EDIL3: variants seen among roughly 807,000 people sequenced by gnomAD.
EDIL3 encodes the protein EGF-like repeat and discoidin I-like domain-containing protein 3.
EDIL3 carries 37 observed loss-of-function variants against 67.4 expected under a neutral mutation model. The ratio of observed to expected loss-of-function variants is 0.55; its 90% CI spans 0.42 to 0.72. The LOEUF (loss-of-function observed/expected upper bound fraction) is 0.72. Among genes scored for constraint, EDIL3 ranks in the 30% least tolerant of loss-of-function variants. The probability of loss-of-function intolerance (pLI) is 0.00; values close to 1 mark genes in which losing one functional copy is unlikely to be tolerated. For missense variants in EDIL3, 527 were observed against 586.3 expected (o/e 0.90, Z 1.04); for synonymous variants, 195 against 196.3 (o/e 0.99, Z 0.05).
intron 1 of EDIL3, among the ~76,000 whole-genome samples, chr5:84,382,418 G>C (rs995146582): frequency 1.3e-5 from 2 of 151,368 alleles, no homozygotes; most frequent in Admixed American, 6.6e-5. Flanking sequence ...AGGCAAGCGC[G>C]GCCACATAGG....
chr5:84,074,176 A>G (rs1490978096), intron 6 of EDIL3, among the ~76,000 whole-genome samples: 37 of 150,514 alleles, frequency 2.5e-4, no homozygotes, highest in East Asian at 7.9e-4. Flanking sequence ...TCCCTTCCTT[A>G]CACCTTATAC....
chr5:84,205,510 C>T (rs1054380899), intron 3 of EDIL3, among the ~76,000 whole-genome samples: 1 of 152,128 alleles, frequency 6.6e-6, no homozygotes, highest in African/African-American at 2.4e-5. Flanking sequence ...ACTTGAAAAA[C>T]TTGACTCTTT....
At chr5:84,161,243 T>A (rs181739868) in intron 4 of EDIL3, among the ~76,000 whole-genome samples, 3 of 152,194 alleles carry the variant, frequency 2.0e-5, no homozygotes, top group Non-Finnish European at 4.4e-5. Flanking sequence ...ACTCATTGAT[T>A]GATAGGTGTT....
At chr5:84,100,433 A>G (rs1236819790) in intron 6 of EDIL3, among the ~76,000 whole-genome samples, 1 of 152,164 alleles carries the variant, frequency 6.6e-6, no homozygotes, top group East Asian at 1.9e-4. Flanking sequence ...AGGGACATGG[A>G]TGAAGCTGGA....
chr5:84,037,001 C>T (rs762273477), intron 9 of EDIL3, among the ~76,000 whole-genome samples: 3 of 152,154 alleles, frequency 2.0e-5, no homozygotes, highest in Non-Finnish European at 4.4e-5. Context: ...GAGGTAACTT[C>T]AGGGCTGCGC....
At chr5:84,135,778 C>T (rs1748079042) in intron 5 of EDIL3, among the ~76,000 whole-genome samples, 1 of 152,142 alleles carries the variant, frequency 6.6e-6, no homozygotes, top group African/African-American at 2.4e-5. Context: ...CTTTCTTCAT[C>T]AACTCATGCT....
At chr5:84,186,259 G>A (rs895116402) in intron 3 of EDIL3, among the ~76,000 whole-genome samples, 1 of 152,024 alleles carries the variant, frequency 6.6e-6, no homozygotes, top group Non-Finnish European at 1.5e-5. Flanking sequence ...ATCACCTAGA[G>A]CATATAGTGT....
At chr5:84,027,409 A>ACCTTCT (rs1159341739) in intron 9 of EDIL3, among the ~76,000 whole-genome samples, 1 of 152,206 alleles carries the variant, frequency 6.6e-6, no homozygotes, top group African/African-American at 2.4e-5. Flanking sequence ...TGCTGTAAGA[A>ACCTTCT]TTCAGAGAAG....
At chr5:84,312,307 C>T (rs867708418) in intron 1 of EDIL3, among the ~76,000 whole-genome samples, 2 of 134,800 alleles carry the variant, frequency 1.5e-5, no homozygotes, top group Non-Finnish European at 3.1e-5. Context: ...CCTCCCTCCC[C>T]GACGGGGCGG....
chr5:84,377,863 G>A (rs544285940), intron 1 of EDIL3, among the ~76,000 whole-genome samples: 1 of 152,282 alleles, frequency 6.6e-6, no homozygotes, highest in South Asian at 2.1e-4. Flanking sequence ...GTGCTTTAGT[G>A]CTTAAAAAGC....
intron 1 of EDIL3, among the ~76,000 whole-genome samples, chr5:84,383,943 C>G (rs1056341309): frequency 6.6e-6 from 1 of 152,292 alleles, no homozygotes; most frequent in East Asian, 1.9e-4. Flanking sequence ...GAAAGCCCTG[C>G]CCGACGTCTG....
chr5:84,101,706 C>A, intron 6 of EDIL3, among the ~76,000 whole-genome samples: 1 of 151,788 alleles, frequency 6.6e-6, no homozygotes, highest in Non-Finnish European at 1.5e-5. Context: ...AGAGCCCAGG[C>A]CCACATGGAT....
chr5:84,132,189 C>T (rs903112258), intron 5 of EDIL3, among the ~76,000 whole-genome samples: 1 of 146,654 alleles, frequency 6.8e-6, no homozygotes, highest in African/African-American at 2.5e-5. Flanking sequence ...CAGCCGACAT[C>T]GCACTACAGC....
intron 6 of EDIL3, among the ~76,000 whole-genome samples, chr5:84,090,484 G>A (rs528118799): frequency 1.3e-5 from 2 of 152,206 alleles, no homozygotes; most frequent in East Asian, 3.9e-4. Context: ...AAAATTCGCT[G>A]GGGGTATCTG....
At chr5:84,375,529 A>C (rs1267040734) in intron 1 of EDIL3, among the ~76,000 whole-genome samples, 1 of 152,172 alleles carries the variant, frequency 6.6e-6, no homozygotes, top group Admixed American at 6.5e-5. Flanking sequence ...GATGTAAGGC[A>C]AATTAAATAT....
At chr5:84,121,507 C>T (rs1580337104) in intron 5 of EDIL3, among the ~76,000 whole-genome samples, 2 of 151,152 alleles carry the variant, frequency 1.3e-5, no homozygotes, top group African/African-American at 4.8e-5. Context: ...ATAAACTTCC[C>T]CATTATCTGA....
At chr5:84,060,587 T>A in intron 8 of EDIL3, 103 bp from the exon 9 acceptor site, 1 of 1,231,870 alleles carries the variant, frequency 8.1e-7, no homozygotes, top group Non-Finnish European at 1.1e-6. Context: ...ATAATGCTAT[T>A]CATTCCTCCA....
intron 1 of EDIL3, among the ~76,000 whole-genome samples, chr5:84,355,092 C>G (rs544767501): frequency 1.3e-5 from 2 of 152,100 alleles, no homozygotes; most frequent in African/African-American, 2.4e-5. Flanking sequence ...CAACTTGATT[C>G]CATTCTCCCT....
At chr5:84,310,512 A>T (rs1169908874) in intron 1 of EDIL3, among the ~76,000 whole-genome samples, 1 of 152,208 alleles carries the variant, frequency 6.6e-6, no homozygotes, top group African/African-American at 2.4e-5. Context: ...TAATTCTAGT[A>T]TGCCCTAGAT....
Sources: gnomAD v4.1 joint callset for allele counts (sites outside exome capture counted in the v4.1 genomes callset) on GRCh38, gnomAD v4.1.1 for gene constraint, MANE v1.5 for transcripts, NCBI Gene and HGNC (gene_info 2026-07-23, HGNC 2026-07-21) for gene names.